The following GAN variants were observed in gnomAD, a reference collection of about 807,000 sequenced individuals.
The protein encoded by GAN is gigaxonin, also known as epididymis secretory sperm binding protein.
In GAN, 48 loss-of-function variants were observed where a neutral mutation model predicts 71.3. The observed-to-expected ratio is 0.67, with a 90% CI of 0.53 to 0.86. GAN has a LOEUF of 0.86. Among genes scored for constraint, GAN ranks in the 40% least tolerant of loss-of-function variants. The pLI is 0.00. For synonymous variants in GAN, 386 were observed against 276.8 expected, an observed-to-expected ratio of 1.39 and a Z score of -3.92; for missense variants, 928 against 770.1, an observed-to-expected ratio of 1.21 and a Z score of -2.43.
rs1372158709 is a variant in GAN at position 81,381,987 on chromosome 16, G to A, written c.*4391G>A. The A allele has an allele frequency of 4.6e-5, 7 of 152,040 alleles. No homozygotes were observed. In the East Asian group the frequency reaches 1.3e-3, roughly 29 times the overall value. 9.4% of individuals were successfully genotyped at this position (152,040 alleles called of 1,614,324 possible). On this transcript the variant is annotated 3_prime_UTR_variant, in exon 11 of 11. Transcript: ENST00000648994. ...GTCTTCTGATTGTACCCTCTATATG[G>A]GACTATGAGACCCTCTATAGACTCA...
chr16:81,331,361 T>G (rs1307484696), intron 1 of GAN, among the ~76,000 whole-genome samples: 1 of 152,192 alleles, frequency 6.6e-6, no homozygotes. Flanking sequence ...GATTGGATCC[T>G]AGAACAGAGA....
intron 1 of GAN, 68 bp downstream of exon 1, chr16:81,315,348 C>T (rs888456433): frequency 2.7e-5 from 32 of 1,198,748 alleles, no homozygotes; most frequent in East Asian, 3.3e-5. Flanking sequence ...GCGGCCGGGC[C>T]GGGCGTGGCC....
intron 1 of GAN, among the ~76,000 whole-genome samples, chr16:81,348,424 CCTGT>C (rs945368740): frequency 1.1e-4 from 16 of 152,032 alleles, no homozygotes; most frequent in African/African-American, 1.9e-4. Flanking sequence ...CAGTTTTGTT[CCTGT>C]CTTTTATCTT....
At position 81,326,201 on chromosome 16, in the gene GAN, G is replaced by A. The variant is rs117052819; in HGVS notation, c.167+10921G>A. 8.6e-3 allele frequency among the ~76,000 whole-genome samples: 1,304 copies of A among 152,228 alleles called. 46 individuals carry two copies. The highest frequency in any genetic ancestry group is 0.057 in the Admixed American group (871 of 15,278). ...GTCCAGGGCCAGGGGCACTCAGTCC[G>A]TAAGCAGAACTTTCATACGTAAGAT... On this transcript the variant is annotated intron_variant, in intron 1 of 10. Coordinates refer to ENST00000648994, the MANE Select transcript of GAN (RefSeq NM_022041.4).
In GAN at chr16:81,377,673, C is replaced by A. The variant is rs1904286628; in HGVS notation, c.*77C>A. On this transcript the variant is annotated 3_prime_UTR_variant, in exon 11 of 11. Coordinates refer to ENST00000648994, the MANE Select transcript of GAN (RefSeq NM_022041.4). ...GCTCCGAAAGGGAGAGCAGAGATGG[C>A]AGCTGAAACTCACTCTGTGCTGGGC... The A allele has an allele frequency of 2.4e-6, 3 of 1,263,790 alleles. No homozygotes were observed. The highest frequency in any genetic ancestry group is 2.4e-5 in the South Asian group (2 of 83,744). 78.3% of individuals were successfully genotyped at this position (1,263,790 alleles called of 1,614,324 possible).
chr16:81,351,453 G>C (rs924913235), intron 1 of GAN, 130 bp from the exon 2 acceptor site: 1 of 647,896 alleles, frequency 1.5e-6, no homozygotes. Context: ...TAAAGTTAAC[G>C]AACTAAATTT....
intron 1 of GAN, among the ~76,000 whole-genome samples, chr16:81,342,737 C>G (rs757762582): frequency 2.6e-5 from 4 of 152,096 alleles, no homozygotes; most frequent in Non-Finnish European, 4.4e-5. Flanking sequence ...GAAGCAAGAG[C>G]AAACACATTC....
At chr16:81,340,749 A>C (rs1434457277) in intron 1 of GAN, among the ~76,000 whole-genome samples, 1 of 151,476 alleles carries the variant, frequency 6.6e-6, no homozygotes, top group Admixed American at 6.6e-5. Context: ...AAAGGAATAC[A>C]ACTCCTTGCC....
intron 1 of GAN, among the ~76,000 whole-genome samples, chr16:81,331,650 C>G (rs909278872): frequency 6.6e-6 from 1 of 152,344 alleles, no homozygotes; most frequent in East Asian, 1.9e-4. Flanking sequence ...ACGTCCCACC[C>G]TGTCCCCTCA....
In GAN at chr16:81,390,202, A is replaced by G. The variant is rs1904522379; in HGVS notation, c.*12606A>G. On this transcript the variant is annotated 3_prime_UTR_variant, in exon 11 of 11. Coordinates refer to ENST00000648994, the MANE Select transcript of GAN (RefSeq NM_022041.4). The stretch of plus-strand genomic sequence containing the variant: ...ATATTGGAAGTGCTAGAAGGCTGCA[A>G]CTTGTAAAATTGTACTCCCCAAGTT... The G allele has an allele frequency of 6.6e-6, 1 of 152,220 alleles. No homozygotes were observed. Among genetic ancestry groups the G allele is most frequent in the South Asian group, 2.1e-4 (1 of 4,832 alleles). 9.4% of individuals were successfully genotyped at this position (152,220 alleles called of 1,614,324 possible). A position where few individuals can be genotyped will look rare whatever the true frequency, so the allele number is the denominator to read the frequency against.
intron 1 of GAN, among the ~76,000 whole-genome samples, chr16:81,343,228 C>A (rs7196473): frequency 6.6e-6 from 1 of 152,004 alleles, no homozygotes; most frequent in Admixed American, 6.5e-5. Context: ...TGAAACTATT[C>A]CGATCAATAG....
chr16:81,354,491 G>T lies in GAN; in HGVS notation c.369G>T (p.Glu123Asp). ...LLTDLKTLCC[E>D]FLEGCIAAEN... ...CGGACCTTAAAACCCTGTGCTGTGA[G>T]TTTTTGGAAGGCTGCATTGCTGCTG... Residue 123 changes from glutamate to aspartate, a missense_variant, in exon 3 of 11, where the codon GAG (glutamate) becomes GAT (aspartate). Transcript: ENST00000648994. 6.2e-7 allele frequency: 1 copy of T among 1,614,132 alleles called. No individual in the cohort carries two copies.
chr16:81,358,040 A>G (rs1910550182), intron 5 of GAN, 109 bp downstream of exon 5: 2 of 970,048 alleles, frequency 2.1e-6, no homozygotes, highest in Non-Finnish European at 1.6e-6. Flanking sequence ...TATTATCTCT[A>G]CATGACATTT....
Position 81,348,049 on chromosome 16 carries a change from C to T in GAN, c.168-3534C>T, listed in dbSNP as rs113254094. 1.2e-4 allele frequency among the ~76,000 whole-genome samples: 18 copies of T among 152,086 alleles called. 1 individual carries two copies. The highest frequency in any genetic ancestry group is 2.9e-4 in the African/African-American group (12 of 41,516). Reference sequence around the variant, plus strand: ...TTTAAAAAAAATAGAGGTGGGGTGTCGCTGTGTTGCCCAGTCTGGTCTTGA... The same window carrying T: ...TTTAAAAAAAATAGAGGTGGGGTGTTGCTGTGTTGCCCAGTCTGGTCTTGA... On this transcript the variant is annotated intron_variant, in intron 1 of 10. Coordinates refer to ENST00000648994, the MANE Select transcript of GAN (RefSeq NM_022041.4).
chr16:81,316,389 T>C (rs1411531588), intron 1 of GAN, among the ~76,000 whole-genome samples: 5 of 151,336 alleles, frequency 3.3e-5, no homozygotes, highest in Non-Finnish European at 5.9e-5. Flanking sequence ...ATATCTGTGC[T>C]AAACTTAGAA....
At chr16:81,343,184 G>A (rs752227797) in intron 1 of GAN, among the ~76,000 whole-genome samples, 30 of 151,578 alleles carry the variant, frequency 2.0e-4, no homozygotes, top group Non-Finnish European at 3.2e-4. Context: ...ATTCACAGCC[G>A]AGTTCTATAA....
chr16:81,323,003 G>A (rs950465933), intron 1 of GAN, among the ~76,000 whole-genome samples: 7 of 152,268 alleles, frequency 4.6e-5, no homozygotes, highest in Middle Eastern at 3.4e-3. Flanking sequence ...CCTGATATTC[G>A]TGTTTGCCAT....
rs1396545418 is a variant in GAN at position 81,382,457 on chromosome 16, G to A, written c.*4861G>A. 6.6e-6 allele frequency: 1 copy of A among 152,204 alleles called. No individual in the cohort carries two copies. The highest frequency in any genetic ancestry group is 1.5e-5 in the Non-Finnish European group (1 of 68,004). The allele number at this position is 152,204 out of a possible 1,614,324, so 9.4% of individuals were successfully genotyped here. ...ATTTACTAAGGTCGTAAGAACAGAA[G>A]AAAGTTTCTTTGAAAGAGAAACTGT... is the stretch of plus-strand genomic sequence containing the variant. On this transcript the variant is annotated 3_prime_UTR_variant, in exon 11 of 11. Transcript: ENST00000648994.
rs1025954311 is a variant in GAN at position 81,386,200 on chromosome 16, A to C, written c.*8604A>C. On this transcript the variant is annotated 3_prime_UTR_variant, in exon 11 of 11. Transcript: ENST00000648994. ...ATAACCCTCTGTTTAGAATTTGCCCAGTGAAATTCTCTAATAATACTTAAA... is the reference window on the plus strand; with the variant it reads ...ATAACCCTCTGTTTAGAATTTGCCCCGTGAAATTCTCTAATAATACTTAAA... The C allele has an allele frequency of 2.0e-5, 3 of 152,228 alleles. No individual in the cohort carries two copies. The highest frequency in any genetic ancestry group is 4.4e-5 in the Non-Finnish European group (3 of 68,030). 9.4% of individuals were successfully genotyped at this position (152,228 alleles called of 1,614,324 possible). A position where few individuals can be genotyped will look rare whatever the true frequency, so the allele number is the denominator to read the frequency against.
Sources: allele counts gnomAD v4.1 joint callset (sites outside exome capture counted in the v4.1 genomes callset), GRCh38; gene constraint gnomAD v4.1.1; transcripts MANE v1.5; gene names NCBI Gene and HGNC (gene_info 2026-07-23, HGNC 2026-07-21).